THADA: variants seen among roughly 807,000 people sequenced by gnomAD.
The protein encoded by THADA is THADA armadillo repeat containing.
THADA carries 213 observed loss-of-function variants against 219.8 expected under a neutral mutation model. The ratio of observed to expected loss-of-function variants is 0.97; its 90% confidence interval spans 0.87 to 1.09. The LOEUF is 1.09. Among genes scored for constraint, THADA ranks in the 50% least tolerant of loss-of-function variants. The pLI, the probability that THADA is intolerant of heterozygous loss-of-function variation, is 0.00. For synonymous variants in THADA, 1,018 were observed against 828.9 expected (o/e 1.23, Z -3.92); for missense variants, 2,956 against 2,311.3 (o/e 1.28, Z -5.72).
chr2:43,397,049 T>C (rs1674145831), intron 29 of THADA, among the ~76,000 whole-genome samples: 2 of 152,190 alleles, frequency 1.3e-5, no homozygotes, highest in African/African-American at 2.4e-5. Flanking sequence ...TATGCTACTA[T>C]TATCCTTATT....
At chr2:43,288,552 A>G (rs1357989353) in intron 34 of THADA, among the ~76,000 whole-genome samples, 2 of 152,268 alleles carry the variant, frequency 1.3e-5, no homozygotes, top group African/African-American at 4.8e-5. Context: ...AAAGACAGAT[A>G]CACAGGGAGA....
In THADA at chr2:43,345,422, T is replaced by C. The variant is rs188688020; in HGVS notation, c.4228-1185A>G. On this transcript the variant is annotated intron_variant, in intron 29 of 37. Transcript: ENST00000405975. ...TGTTTAGAGAATCAAAATAAATTTC[T>C]TCTAAACAGAAGTAACTGTACAGGA... 4.8e-4 allele frequency among the ~76,000 whole-genome samples: 73 copies of C among 152,330 alleles called. 1 individual carries two copies. The highest frequency in any genetic ancestry group is 1.7e-3 in the African/African-American group (72 of 41,562).
intron 29 of THADA, among the ~76,000 whole-genome samples, chr2:43,368,287 T>C (rs1419354412): frequency 1.6e-4 from 24 of 152,218 alleles, no homozygotes; most frequent in Non-Finnish European, 1.9e-4. Flanking sequence ...TTTTATATCA[T>C]ATACTTGTGC....
chr2:43,336,900 G>A (rs774490419), intron 30 of THADA, among the ~76,000 whole-genome samples: 7 of 152,228 alleles, frequency 4.6e-5, no homozygotes, highest in Non-Finnish European at 1.0e-4. Context: ...GAAGCACAGA[G>A]TATACTCATC....
At chr2:43,377,300 T>A (rs1326714169) in intron 29 of THADA, among the ~76,000 whole-genome samples, 1 of 152,200 alleles carries the variant, frequency 6.6e-6, no homozygotes, top group African/African-American at 2.4e-5. Context: ...ATCAACCTGA[T>A]AACTAATTCA....
intron 26 of THADA, among the ~76,000 whole-genome samples, chr2:43,477,007 C>T (rs889170766): frequency 2.6e-5 from 4 of 152,140 alleles, no homozygotes; most frequent in Non-Finnish European, 5.9e-5. Context: ...ATGTAGGACG[C>T]TATTTTACAT....
At chr2:43,281,567 G>A (rs1422026247) in intron 35 of THADA, among the ~76,000 whole-genome samples, 4 of 150,844 alleles carry the variant, frequency 2.7e-5, no homozygotes, top group African/African-American at 7.3e-5. Context: ...TGAGCCTCCC[G>A]GGTAGCTGGG....
At chr2:43,389,033 C>G (rs1172098916) in intron 29 of THADA, among the ~76,000 whole-genome samples, 8 of 152,116 alleles carry the variant, frequency 5.3e-5, no homozygotes, top group Non-Finnish European at 1.5e-5. Flanking sequence ...TACCAGAGAC[C>G]TTGCTACCCA....
At chr2:43,414,130 C>T (rs893304826) in intron 28 of THADA, among the ~76,000 whole-genome samples, 1 of 152,174 alleles carries the variant, frequency 6.6e-6, no homozygotes, top group Non-Finnish European at 1.5e-5. Context: ...TTTTGATCTA[C>T]AGTTGGTTGA....
At chr2:43,555,321 C>A (rs1320615085) in intron 17 of THADA, among the ~76,000 whole-genome samples, 3 of 151,408 alleles carry the variant, frequency 2.0e-5, no homozygotes, top group Admixed American at 6.6e-5. Context: ...TATTGTATGA[C>A]TTAAGGTAAG....
intron 21 of THADA, among the ~76,000 whole-genome samples, chr2:43,528,380 T>A (rs1693447515): frequency 6.6e-6 from 1 of 152,168 alleles, no homozygotes; most frequent in Non-Finnish European, 1.5e-5. Flanking sequence ...TCTGCCCACC[T>A]TGGTCTCCCA....
chr2:43,430,612 T>C (rs992320212), intron 26 of THADA: 2 of 467,406 alleles, frequency 4.3e-6, no homozygotes, highest in Admixed American at 2.3e-5. Flanking sequence ...CCACAACTGA[T>C]TTGGACTATA....
chr2:43,538,959 A>G (rs1475828919), intron 21 of THADA, among the ~76,000 whole-genome samples: 1 of 152,224 alleles, frequency 6.6e-6, no homozygotes, highest in African/African-American at 2.4e-5. Flanking sequence ...GGAGCTGTAA[A>G]ATCAGGATGA....
intron 36 of THADA, among the ~76,000 whole-genome samples, chr2:43,269,615 C>T (rs903830990): frequency 1.7e-4 from 26 of 152,342 alleles, no homozygotes; most frequent in Admixed American, 1.2e-3. Flanking sequence ...GGAGCTCCAC[C>T]GTGCCCACCC....
chr2:43,260,268 C>T (rs1215449290), intron 36 of THADA, among the ~76,000 whole-genome samples: 1 of 152,208 alleles, frequency 6.6e-6, no homozygotes, highest in Non-Finnish European at 1.5e-5. Context: ...CAATAAGATA[C>T]AGGGAAATGA....
intron 26 of THADA, among the ~76,000 whole-genome samples, chr2:43,432,225 T>G (rs1327336167): frequency 6.6e-6 from 1 of 150,696 alleles, no homozygotes; most frequent in Non-Finnish European, 1.5e-5. Context: ...CTCCTGACCT[T>G]GTGATCCGCC....
At chr2:43,299,367 AT>A (rs1182121823) in intron 31 of THADA, among the ~76,000 whole-genome samples, 2 of 152,160 alleles carry the variant, frequency 1.3e-5, no homozygotes, top group African/African-American at 4.8e-5. Context: ...AATAATAACT[AT>A]AAAAATCTAG....
intron 36 of THADA, among the ~76,000 whole-genome samples, chr2:43,253,909 T>C (rs1296320938): frequency 2.0e-5 from 3 of 152,066 alleles, no homozygotes; most frequent in Non-Finnish European, 4.4e-5. Flanking sequence ...TTAGCAGACA[T>C]CTGTTGTTTT....
intron 26 of THADA, among the ~76,000 whole-genome samples, chr2:43,440,530 A>T (rs1308278945): frequency 2.0e-5 from 3 of 152,192 alleles, no homozygotes; most frequent in Non-Finnish European, 2.9e-5. Context: ...CAAGAACATC[A>T]ATTTCCACTG....
Sources: allele counts gnomAD v4.1 joint callset (sites outside exome capture counted in the v4.1 genomes callset), GRCh38; gene constraint gnomAD v4.1.1; transcripts MANE v1.5; gene names NCBI Gene and HGNC (gene_info 2026-07-23, HGNC 2026-07-21).